The following LRIG2 variants were observed in gnomAD, a reference collection of about 807,000 sequenced individuals.
LRIG2 encodes leucine rich repeats and immunoglobulin like domains 2, also known as leucine-rich repeats and immunoglobulin-like domains protein 2.
In LRIG2, 93 loss-of-function variants were observed where a neutral mutation model predicts 107.8. The observed-to-expected ratio is 0.86, with a 90% CI of 0.73 to 1.03. The LOEUF is 1.03. Among genes scored for constraint, LRIG2 ranks in the 50% least tolerant of loss-of-function variants. LRIG2 has a pLI of 0.00. For missense variants in LRIG2, 1,226 were observed against 1,296.0 expected, an observed-to-expected ratio of 0.95 and a Z score of 0.83; for synonymous variants, 471 against 470.6, an observed-to-expected ratio of 1.00 and a Z score of -0.01.
At position 113,097,298 on chromosome 1, in the gene LRIG2, A is replaced by T. The variant is rs531354938; in HGVS notation, c.1091+933A>T. Among the ~76,000 whole-genome samples, 153 of 152,266 alleles carry T rather than the reference A, an allele frequency of 1.0e-3. 1 individual carries two copies. Among genetic ancestry groups the T allele is most frequent in the Non-Finnish European group, 1.7e-3 (119 of 68,032 alleles). On this transcript the variant is annotated intron_variant, in intron 8 of 17. Transcript: ENST00000361127. ...AAGAAAACAAAGAGTAATTAGTAGA[A>T]TTTGTAGATTCTTAAGCTTCCTGAA...
intron 1 of LRIG2, among the ~76,000 whole-genome samples, chr1:113,079,224 T>C (rs1358342973): frequency 6.6e-6 from 1 of 151,848 alleles, no homozygotes; most frequent in Non-Finnish European, 1.5e-5. Flanking sequence ...GGTACACACC[T>C]CTAGTCCCAG....
intron 1 of LRIG2, among the ~76,000 whole-genome samples, chr1:113,076,456 A>G (rs748149214): frequency 2.0e-5 from 3 of 152,260 alleles, no homozygotes; most frequent in Admixed American, 6.5e-5. Flanking sequence ...TTAATGTCCT[A>G]TAATGAAATG....
chr1:113,081,170 T>C (rs1653265642), intron 1 of LRIG2, among the ~76,000 whole-genome samples: 1 of 152,152 alleles, frequency 6.6e-6, no homozygotes, highest in Admixed American at 6.6e-5. Flanking sequence ...CTGGTTCCCA[T>C]CTGACTCTGC....
At chr1:113,077,302 C>T (rs1430619599) in intron 1 of LRIG2, among the ~76,000 whole-genome samples, 1 of 151,960 alleles carries the variant, frequency 6.6e-6, no homozygotes, top group Non-Finnish European at 1.5e-5. Context: ...CCACCATGCC[C>T]AGCTAATTTT....
Position 113,084,409 on chromosome 1 carries a change from G to A in LRIG2, c.240-6909G>A, listed in dbSNP as rs572791789. ...TTTTTATATTTTTAGTAGAGACGGG[G>A]TTTCACCGTGTTAGCCAAGATGGTC... On this transcript the variant is annotated intron_variant, in intron 1 of 17. Coordinates refer to ENST00000361127, the MANE Select transcript of LRIG2 (RefSeq NM_014813.3). Among the ~76,000 whole-genome samples the A allele has an allele frequency of 1.1e-3, 169 of 151,878 alleles. 1 individual carries two copies. Among genetic ancestry groups the A allele is most frequent in the Non-Finnish European group, 1.8e-3 (121 of 67,948 alleles).
At chr1:113,121,186 C>T (rs184726102) in intron 17 of LRIG2, among the ~76,000 whole-genome samples, 3 of 152,126 alleles carry the variant, frequency 2.0e-5, no homozygotes, top group Admixed American at 6.5e-5. Flanking sequence ...CTTCACTTGG[C>T]GGGTGTTTTT....
chr1:113,101,385 CTA>C (rs1050939512), intron 11 of LRIG2, among the ~76,000 whole-genome samples: 8 of 143,760 alleles, frequency 5.6e-5, no homozygotes, highest in African/African-American at 2.4e-4. Flanking sequence ...TTTTTAAACT[CTA>C]TTGATTCAAA....
In LRIG2 at chr1:113,115,577, G is replaced by C. The variant is rs146445180; in HGVS notation, c.2530+701G>C. ...AGAGTCTCGCTCTGTTGCCAGGCTGGAGTGCAGCGGCATGATCTTGGCTCA... is the reference window on the plus strand; with the variant it reads ...AGAGTCTCGCTCTGTTGCCAGGCTGCAGTGCAGCGGCATGATCTTGGCTCA... On this transcript the variant is annotated intron_variant, in intron 15 of 17. Transcript: ENST00000361127. 5.5e-3 allele frequency among the ~76,000 whole-genome samples: 825 copies of C among 151,064 alleles called. 11 individuals are homozygous for C. The highest frequency in any genetic ancestry group is 0.019 in the African/African-American group (794 of 41,116).
rs750244188 is a variant in LRIG2, at chr1:113,100,246, A to G, written c.1208A>G (p.Lys403Arg). ...GGAAACCAGATTAAGTCAATTACAAAGAAAGCATTCATTGGTCTTGAATCC... is the reference window on the plus strand; with the variant it reads ...GGAAACCAGATTAAGTCAATTACAAGGAAAGCATTCATTGGTCTTGAATCC... ...LQGNQIKSIT[K>R]KAFIGLESLE... The change falls in exon 10 of 18, where the codon AAG becomes AGG. Residue 403 changes from lysine (K) to arginine (R), a missense_variant. This residue lies in a region of LRIG2 where 570 missense variants were observed against 550.2 expected (regional missense o/e 1.04). Coordinates refer to ENST00000361127, the MANE Select transcript of LRIG2 (RefSeq NM_014813.3). The G allele has an allele frequency of 6.3e-7, 1 of 1,589,730 alleles. No individual in the cohort carries two copies. Among genetic ancestry groups the G allele is most frequent in the South Asian group, 1.1e-5 (1 of 88,198 alleles).
At chr1:113,118,011 C>T (rs1035111703) in intron 16 of LRIG2, among the ~76,000 whole-genome samples, 1 of 151,618 alleles carries the variant, frequency 6.6e-6, no homozygotes, top group African/African-American at 2.4e-5. Flanking sequence ...CCTTTGCCTC[C>T]CCGGTTCAAG....
intron 16 of LRIG2, 89 bp from the exon 17 acceptor site, chr1:113,119,141 CAAT>C: frequency 8.4e-7 from 1 of 1,186,144 alleles, no homozygotes; most frequent in South Asian, 1.4e-5. Context: ...TACATGCTAG[CAAT>C]GATGATGACA....
At position 113,124,572 on chromosome 1, in the gene LRIG2, A is replaced by G. The variant is rs1655408887; in HGVS notation, c.*471A>G. On this transcript the variant is annotated 3_prime_UTR_variant, in exon 18 of 18. Transcript: ENST00000361127. ...TTCAGTGGTTTCAGGCAGATAGTTG[A>G]GACTGGGGCTTTGATATTCAAGGTC... 3 of 157,208 alleles carry G rather than the reference A, an allele frequency of 1.9e-5. No homozygotes were observed. The highest frequency in any genetic ancestry group is 1.2e-4 in the Admixed American group (2 of 16,112). 9.7% of individuals were successfully genotyped at this position (157,208 alleles called of 1,614,324 possible).
chr1:113,094,762 A>AC lies in LRIG2; in HGVS notation c.803+8dup, dbSNP rs2101036434. 6.2e-7 allele frequency: 1 copy of AC among 1,612,986 alleles called. No homozygotes were observed. Among genetic ancestry groups the AC allele is most frequent in the South Asian group, 1.1e-5 (1 of 90,998 alleles). On this transcript the variant is annotated splice_region_variant and intron_variant, in intron 6 of 17. Transcript: ENST00000361127. Reference sequence around the variant, plus strand: ...TGAATAACATGGAAGAACTGTAAGTACTCGGGACTAGAGGTGATTATTAGG... The same window carrying AC: ...TGAATAACATGGAAGAACTGTAAGTACCTCGGGACTAGAGGTGATTATTAGG...
chr1:113,108,895 T>TC (rs1186630714), intron 12 of LRIG2, among the ~76,000 whole-genome samples: 1 of 152,084 alleles, frequency 6.6e-6, no homozygotes, highest in Non-Finnish European at 1.5e-5. Context: ...ATTTTTTTTT[T>TC]CTTTAAAGTG....
At chr1:113,090,517 T>C (rs1653754362) in intron 1 of LRIG2, among the ~76,000 whole-genome samples, 1 of 152,102 alleles carries the variant, frequency 6.6e-6, no homozygotes, top group African/African-American at 2.4e-5. Flanking sequence ...CAAATTGACA[T>C]TTAAGAGGAC....
rs17031018 is a variant in LRIG2, at chr1:113,100,296, A to G, written c.1244+14A>G. On this transcript the variant is annotated intron_variant, in intron 10 of 17. Transcript: ENST00000361127. ...CCTTGAGCATCTGTAAGTATTTTGCATACATTTTGCTTACTCTATAAATAA... is the reference window on the plus strand; with the variant it reads ...CCTTGAGCATCTGTAAGTATTTTGCGTACATTTTGCTTACTCTATAAATAA... The G allele has an allele frequency of 5.5e-3, 8,628 of 1,576,526 alleles. 403 individuals are homozygous for G. In the African/African-American group the frequency reaches 0.1, roughly 18 times the overall value.
rs1654734940 is a variant in LRIG2 at position 113,110,596 on chromosome 1, T to C, written c.1798+34T>C. 3.4e-6 allele frequency: 5 copies of C among 1,474,146 alleles called. No individual in the cohort carries two copies. The South Asian group carries it at 3.9e-5, about 11-fold the overall frequency. 91.3% of individuals were successfully genotyped at this position (1,474,146 alleles called of 1,614,324 possible). A position where few individuals can be genotyped will look rare whatever the true frequency, so the allele number is the denominator to read the frequency against. ...TTATGCTCCTTGATTTTTTTTAGTT[T>C]AGAAGGATTTTTCATGTTCAGTTTT... On this transcript the variant is annotated intron_variant, in intron 13 of 17. Transcript: ENST00000361127.
chr1:113,104,340 T>TCA (rs1654442743), intron 11 of LRIG2, among the ~76,000 whole-genome samples: 2 of 152,146 alleles, frequency 1.3e-5, no homozygotes, highest in Non-Finnish European at 2.9e-5. Flanking sequence ...CCACCCTTCC[T>TCA]GGGGATCTCT....
In LRIG2 at chr1:113,130,902, C is replaced by T. The variant is rs906720374; in HGVS notation, c.*6801C>T. 1 of 152,058 alleles carries T rather than the reference C, an allele frequency of 6.6e-6. No individual in the cohort carries two copies. Among genetic ancestry groups the T allele is most frequent in the Admixed American group, 6.6e-5 (1 of 15,248 alleles). 9.4% of individuals were successfully genotyped at this position (152,058 alleles called of 1,614,324 possible). A position where few individuals can be genotyped will look rare whatever the true frequency, so the allele number is the denominator to read the frequency against. Reference sequence around the variant, plus strand: ...ATTACTATACTAACAAATTTAAAAGCCTATAATGTATTAAAACTCTTTTTT... The same window carrying T: ...ATTACTATACTAACAAATTTAAAAGTCTATAATGTATTAAAACTCTTTTTT... On this transcript the variant is annotated 3_prime_UTR_variant, in exon 18 of 18. Transcript: ENST00000361127.
Sources: allele counts gnomAD v4.1 joint callset (sites outside exome capture counted in the v4.1 genomes callset), GRCh38; gene constraint gnomAD v4.1.1; regional missense constraint gnomAD v4.1.1; transcripts MANE v1.5; gene names NCBI Gene and HGNC (gene_info 2026-07-23, HGNC 2026-07-21).